Variants in CYB5D2 observed in about 807,000 individuals in gnomAD.
CYB5D2 encodes neuferricin.
Under a neutral mutation model 22.8 loss-of-function variants are expected in CYB5D2, and 23 were observed. The observed-to-expected ratio is 1.01, with a 90% CI of 0.73 to 1.43. The LOEUF is 1.43. Ranked by LOEUF, CYB5D2 falls within the 40% of genes most tolerant of loss-of-function variation. The probability of loss-of-function intolerance (pLI) is 0.00; values close to 1 mark genes in which losing one functional copy is unlikely to be tolerated. For missense variants in CYB5D2, 373 were observed against 357.2 expected (o/e 1.04, Z -0.36); for synonymous variants, 170 against 152.2 (o/e 1.12, Z -0.86).
chr17:4,156,958 G>GC lies in CYB5D2; in HGVS notation c.677dup (p.Ser227Ter), dbSNP rs781101162. Reference sequence around the variant, plus strand: ...CGCTGCGTGTGTGTGAGAACCACCGGCCCCCCTAGTGGCCAGATGCCGGAC... The same window carrying GC: ...CGCTGCGTGTGTGTGAGAACCACCGGCCCCCCCTAGTGGCCAGATGCCGGAC... On this transcript the variant is annotated frameshift_variant, in exon 4 of 4. Coordinates refer to ENST00000301391, the MANE Select transcript of CYB5D2 (RefSeq NM_144611.4). LOFTEE classifies it low-confidence loss of function (END_TRUNC). 2.5e-6 allele frequency: 4 copies of GC among 1,612,770 alleles called. No homozygotes were observed. The highest frequency in any genetic ancestry group is 1.7e-5 in the Admixed American group (1 of 60,028).
chr17:4,155,338 T>C (rs947068824), intron 3 of CYB5D2, among the ~76,000 whole-genome samples: 1 of 152,098 alleles, frequency 6.6e-6, no homozygotes, highest in Non-Finnish European at 1.5e-5. Context: ...GAGGCGGGCA[T>C]GGTGGCTTGT....
Position 4,154,761 on chromosome 17 carries a change from A to T in CYB5D2, c.479A>T (p.Glu160Val). ...GAAGCTGCGATCACCAGAGGCTTGG[A>T]GGCCAACAAACTACAGCTGCAAGAG... ...QVEAAITRGL[E>V]ANKLQLQEKQ... The change falls in exon 3 of 4, where the codon GAG (glutamate) becomes GTG (valine). Residue 160 changes from glutamate (E) to valine (V), a missense_variant. Glu to Val is a moderately radical substitution (Grantham distance 121). Coordinates refer to ENST00000301391, the MANE Select transcript of CYB5D2 (RefSeq NM_144611.4). 6.2e-7 allele frequency: 1 copy of T among 1,614,196 alleles called. No individual in the cohort carries two copies. Among genetic ancestry groups the T allele is most frequent in the East Asian group, 2.2e-5 (1 of 44,878 alleles).
At chr17:4,144,804 A>C (rs546951138) in intron 1 of CYB5D2, among the ~76,000 whole-genome samples, 1 of 151,652 alleles carries the variant, frequency 6.6e-6, no homozygotes, top group Non-Finnish European at 1.5e-5. Flanking sequence ...CTTTTTTTTT[A>C]AAGATGGAAT....
chr17:4,153,778 T>C (rs1308360544), intron 2 of CYB5D2, among the ~76,000 whole-genome samples: 3 of 152,140 alleles, frequency 2.0e-5, no homozygotes, highest in Admixed American at 1.3e-4. Flanking sequence ...ATGATGTGGA[T>C]GTAGAGGAGG....
intron 1 of CYB5D2, among the ~76,000 whole-genome samples, chr17:4,144,543 T>G (rs554512766): frequency 6.6e-6 from 1 of 152,226 alleles, no homozygotes; most frequent in Non-Finnish European, 1.5e-5. Flanking sequence ...GAGTCATTCC[T>G]GCTTCTAGTA....
In CYB5D2 at chr17:4,154,853, C is replaced by A. The variant is rs750634808; in HGVS notation, c.571C>A (p.Gln191Lys). The A allele has an allele frequency of 6.2e-7, 1 of 1,611,624 alleles. No homozygotes were observed. The change falls in exon 3 of 4, where the codon CAG becomes AAG. Residue 191 changes from glutamine to lysine, a missense_variant. Physicochemically the swap from Gln to Lys is moderately conservative, Grantham distance 53 (BLOSUM62 1). Coordinates refer to ENST00000301391, the MANE Select transcript of CYB5D2 (RefSeq NM_144611.4). ...CAGGGGCAGCCGGCTCTGGTGCTCC[C>A]AGAAGAGGTAAGCAGGCTCCCCTTC... ...SARGSRLWCS[Q>K]KSGGVSRDWI...
chr17:4,154,772 C>T lies in CYB5D2; in HGVS notation c.490C>T (p.Leu164=). 1 of 1,614,220 alleles carries T rather than the reference C, an allele frequency of 6.2e-7. No individual in the cohort carries two copies. The highest frequency in any genetic ancestry group is 8.5e-7 in the Non-Finnish European group (1 of 1,180,036). The change falls in exon 3 of 4, where the codon CTA becomes TTA. Residue 164 remains leucine (L), a synonymous_variant. Coordinates refer to ENST00000301391, the MANE Select transcript of CYB5D2 (RefSeq NM_144611.4). ...CACCAGAGGCTTGGAGGCCAACAAA[C>T]TACAGCTGCAAGAGAAGCAGACATT... The part of the protein sequence containing the change: ...AITRGLEANK[L]QLQEKQTFPP...
Position 4,157,101 on chromosome 17 carries a change from A to G in CYB5D2, c.*19A>G, listed in dbSNP as rs1206855659. 6.2e-7 allele frequency: 1 copy of G among 1,611,070 alleles called. No individual in the cohort carries two copies. The highest frequency in any genetic ancestry group is 2.2e-5 in the East Asian group (1 of 44,808). On this transcript the variant is annotated 3_prime_UTR_variant, in exon 4 of 4. Coordinates refer to ENST00000301391, the MANE Select transcript of CYB5D2 (RefSeq NM_144611.4). The surrounding 1 kb of genome is among the most constrained non-coding windows in gnomAD (Gnocchi z 4.4). Reference sequence around the variant, plus strand: ...ACTCTAAGCCGTAGCCTCTTCTGTTAATAACACACAGAGAGCTCTGCCAAG... The same window carrying G: ...ACTCTAAGCCGTAGCCTCTTCTGTTGATAACACACAGAGAGCTCTGCCAAG...
At chr17:4,153,536 A>C (rs1241565710) in intron 2 of CYB5D2, among the ~76,000 whole-genome samples, 1 of 152,176 alleles carries the variant, frequency 6.6e-6, no homozygotes, top group Non-Finnish European at 1.5e-5. Context: ...GGCATCGGAG[A>C]GCCATGGTAG....
chr17:4,156,852 C>T lies in CYB5D2; in HGVS notation c.579-14C>T, dbSNP rs1359390482. The T allele has an allele frequency of 6.2e-7, 1 of 1,612,168 alleles. No individual in the cohort carries two copies. The highest frequency in any genetic ancestry group is 8.5e-7 in the Non-Finnish European group (1 of 1,179,850). On this transcript the variant is annotated splice_polypyrimidine_tract_variant and intron_variant, in intron 3 of 3. Transcript: ENST00000301391. The stretch of plus-strand genomic sequence containing the variant: ...TTCTCACATTTAAGAAGTCCTCTTT[C>T]CGTCTATCCTTAGTGGAGGTGTGAG...
intron 2 of CYB5D2, among the ~76,000 whole-genome samples, chr17:4,151,756 G>T (rs2059060577): frequency 6.6e-6 from 1 of 151,288 alleles, no homozygotes; most frequent in African/African-American, 2.4e-5. Context: ...TGTAATCCCA[G>T]CACTTTGGGA....
At chr17:4,151,330 A>T (rs527639639) in intron 2 of CYB5D2, among the ~76,000 whole-genome samples, 2 of 152,254 alleles carry the variant, frequency 1.3e-5, no homozygotes, top group African/African-American at 4.8e-5. Flanking sequence ...CCCTTTCCCA[A>T]TGAAGTTGCC....
intron 2 of CYB5D2, among the ~76,000 whole-genome samples, chr17:4,153,968 A>G (rs1385236221): frequency 6.6e-6 from 1 of 152,210 alleles, no homozygotes; most frequent in African/African-American, 2.4e-5. Flanking sequence ...ACCTCCCTCA[A>G]GTGCTTCCTT....
chr17:4,157,698 G>C (rs1283737172), downstream of CYB5D2: 1 of 154,576 alleles, frequency 6.5e-6, no homozygotes, highest in African/African-American at 2.4e-5. The surrounding 1 kb of genome is among the most constrained non-coding windows in gnomAD (Gnocchi z 4.4). Flanking sequence ...TCAAACTTAA[G>C]GTGGCTGGGC....
chr17:4,144,977 G>A (rs951327611), intron 1 of CYB5D2, among the ~76,000 whole-genome samples: 10 of 152,154 alleles, frequency 6.6e-5, no homozygotes, highest in Non-Finnish European at 1.5e-4. Context: ...TAGTAGAGAC[G>A]GGGTTTCACC....
At position 4,143,874 on chromosome 17, in the gene CYB5D2, C is replaced by T. The variant is rs762995711; in HGVS notation, c.119C>T (p.Pro40Leu). ...CGCGCTGGCTTTCGCCTTTTCATAC[C>T]GGAGGAGCTGTCTCGCTACCGCGGC... ...GPRAGFRLFI[P>L]EELSRYRGGP... The change falls in exon 1 of 4, where the codon CCG (proline) becomes CTG (leucine). Residue 40 changes from proline (P) to leucine (L), a missense_variant. By Grantham distance (98) the Pro-to-Leu change is moderately conservative. Coordinates refer to ENST00000301391, the MANE Select transcript of CYB5D2 (RefSeq NM_144611.4). 3 of 1,614,092 alleles carry T rather than the reference C, an allele frequency of 1.9e-6. No homozygotes were observed. The highest frequency in any genetic ancestry group is 3.3e-5 in the Admixed American group (2 of 60,034).
At chr17:4,153,696 A>G (rs2059082037) in intron 2 of CYB5D2, among the ~76,000 whole-genome samples, 1 of 152,180 alleles carries the variant, frequency 6.6e-6, no homozygotes, top group Non-Finnish European at 1.5e-5. Context: ...GAGTGAACAG[A>G]ATCAGGATCT....
At chr17:4,144,105 T>C (rs2058944763) in intron 1 of CYB5D2, 100 bp downstream of exon 1, 1 of 1,438,310 alleles carries the variant, frequency 7.0e-7, no homozygotes, top group African/African-American at 1.4e-5. Context: ...TCCCCCCCCA[T>C]CCCCACCCCA....
rs1466459118 is a variant in CYB5D2 at position 4,157,674 on chromosome 17, G to C, written c.*592G>C. The C allele has an allele frequency of 6.4e-6, 1 of 155,040 alleles. No individual in the cohort carries two copies. The highest frequency in any genetic ancestry group is 1.4e-5 in the Non-Finnish European group (1 of 70,182). The allele number at this position is 155,040 out of a possible 1,614,324, so 9.6% of individuals were successfully genotyped here. Reference sequence around the variant, plus strand: ...GGTAACTGGTTAGCATGACATTAAAGCTTGGGCAAGGCTTCAAACTTAAGG... The same window carrying C: ...GGTAACTGGTTAGCATGACATTAAACCTTGGGCAAGGCTTCAAACTTAAGG... On this transcript the variant is annotated 3_prime_UTR_variant, in exon 4 of 4. Transcript: ENST00000301391. The surrounding 1 kb of genome is among the most constrained non-coding windows in gnomAD (Gnocchi z 4.4).
Sources: allele counts gnomAD v4.1 joint callset (sites outside exome capture counted in the v4.1 genomes callset), GRCh38; gene constraint gnomAD v4.1.1; non-coding constraint Gnocchi (gnomAD v3.1); transcripts MANE v1.5; gene names NCBI Gene and HGNC (gene_info 2026-07-23, HGNC 2026-07-21).